TMEM132D: variants seen among roughly 807,000 people sequenced by gnomAD.
TMEM132D encodes transmembrane protein 132D.
A neutral mutation model predicts 62.3 loss-of-function variants in TMEM132D; 21 were observed. The ratio of observed to expected loss-of-function variants is 0.34; its 90% CI spans 0.24 to 0.49. TMEM132D has a LOEUF of 0.49. Among genes scored for constraint, TMEM132D ranks in the 20% least tolerant of loss-of-function variants. TMEM132D has a pLI of 0.99. For synonymous variants in TMEM132D, 621 were observed against 575.6 expected, an observed-to-expected ratio of 1.08 and a Z score of -1.13; for missense variants, 1,346 against 1,402.8, an observed-to-expected ratio of 0.96 and a Z score of 0.65.
At chr12:129,397,021 G>T (rs1205765313) in intron 3 of TMEM132D, among the ~76,000 whole-genome samples, 1 of 152,052 alleles carries the variant, frequency 6.6e-6, no homozygotes, top group Non-Finnish European at 1.5e-5. Flanking sequence ...CATACTTACT[G>T]GTTTATGGGT....
At chr12:129,440,654 C>T (rs1190670725) in intron 3 of TMEM132D, among the ~76,000 whole-genome samples, 3 of 151,848 alleles carry the variant, frequency 2.0e-5, no homozygotes, top group Non-Finnish European at 4.4e-5. Flanking sequence ...TGTACCAACC[C>T]ATAGCTGAAG....
chr12:129,519,851 C>T lies in TMEM132D; in HGVS notation c.1115+11208G>A, dbSNP rs150740741. Among the ~76,000 whole-genome samples, 507 of 152,134 alleles carry T rather than the reference C, an allele frequency of 3.3e-3. 1 individual carries two copies. The highest frequency in any genetic ancestry group is 0.011 in the African/African-American group (461 of 41,502). On this transcript the variant is annotated intron_variant, in intron 3 of 8. Transcript: ENST00000422113. ...CCCCAACTCCTGACCTCAGGTGATC[C>T]GCCCGCCTCCGCCTCCCAAAGTTAT...
At chr12:129,443,298 G>A (rs1044545808) in intron 3 of TMEM132D, among the ~76,000 whole-genome samples, 5 of 152,136 alleles carry the variant, frequency 3.3e-5, no homozygotes, top group Non-Finnish European at 5.9e-5. Context: ...AAGGTGAGCC[G>A]CCTCCCCGAC....
intron 4 of TMEM132D, among the ~76,000 whole-genome samples, chr12:129,279,051 T>G (rs540913479): frequency 1.3e-5 from 2 of 152,264 alleles, no homozygotes; most frequent in South Asian, 4.1e-4. Flanking sequence ...AACTCAGAAA[T>G]GCAAACTTTA....
intron 5 of TMEM132D, among the ~76,000 whole-genome samples, chr12:129,130,470 G>T (rs1313674341): frequency 1.3e-5 from 2 of 152,094 alleles, no homozygotes; most frequent in African/African-American, 4.8e-5. Context: ...TGGAATGAAT[G>T]CCCTAGTGCT....
intron 5 of TMEM132D, among the ~76,000 whole-genome samples, chr12:129,207,800 A>C (rs1437338850): frequency 6.6e-6 from 1 of 152,126 alleles, no homozygotes; most frequent in East Asian, 1.9e-4. Flanking sequence ...ATTAATGTAC[A>C]TATTTTGGGG....
chr12:129,077,208 G>A (rs189347750), intron 8 of TMEM132D, among the ~76,000 whole-genome samples: 10 of 152,292 alleles, frequency 6.6e-5, no homozygotes, highest in East Asian at 1.9e-4. Context: ...GGCCACAGCC[G>A]CAGCTGGTGC....
chr12:129,774,412 T>C (rs1870853908), intron 1 of TMEM132D, among the ~76,000 whole-genome samples: 1 of 152,196 alleles, frequency 6.6e-6, no homozygotes, highest in Non-Finnish European at 1.5e-5. Flanking sequence ...GTTTCAACTC[T>C]GTGTTTGCCA....
intron 5 of TMEM132D, among the ~76,000 whole-genome samples, chr12:129,168,901 A>G (rs1877638614): frequency 6.6e-6 from 1 of 152,174 alleles, no homozygotes; most frequent in African/African-American, 2.4e-5. Context: ...TAAAGAAACA[A>G]AACCCTGGAA....
chr12:129,401,016 C>T (rs34790394), intron 3 of TMEM132D, among the ~76,000 whole-genome samples: 27,666 of 152,152 alleles, frequency 0.18, 2,919 homozygotes, highest in Non-Finnish European at 0.25. Context: ...CTCTCCTCTT[C>T]CATTACACCA....
chr12:129,311,463 C>T (rs1030626963), intron 4 of TMEM132D, among the ~76,000 whole-genome samples: 2 of 152,106 alleles, frequency 1.3e-5, no homozygotes, highest in East Asian at 1.9e-4. Flanking sequence ...ATTTTGAATG[C>T]CCACAATGTT....
At chr12:129,324,120 A>C (rs1868816844) in intron 4 of TMEM132D, among the ~76,000 whole-genome samples, 1 of 152,084 alleles carries the variant, frequency 6.6e-6, no homozygotes, top group Non-Finnish European at 1.5e-5. Context: ...TACTGACTGC[A>C]TTTACAGGAA....
intron 1 of TMEM132D, among the ~76,000 whole-genome samples, chr12:129,881,844 T>C (rs1874606290): frequency 1.3e-5 from 2 of 151,952 alleles, no homozygotes; most frequent in African/African-American, 2.4e-5. Context: ...AAAAGCTGCC[T>C]CTTTGAGTTA....
chr12:129,806,757 G>A (rs533923071), intron 1 of TMEM132D, among the ~76,000 whole-genome samples: 1 of 152,282 alleles, frequency 6.6e-6, no homozygotes, highest in African/African-American at 2.4e-5. Context: ...CAGGCACGGT[G>A]GTTCAGGCCT....
intron 2 of TMEM132D, among the ~76,000 whole-genome samples, chr12:129,583,484 T>C (rs532532692): frequency 6.6e-6 from 1 of 152,330 alleles, no homozygotes; most frequent in African/African-American, 2.4e-5. Context: ...TGACGTTGAC[T>C]CTTTGTAAAC....
intron 2 of TMEM132D, among the ~76,000 whole-genome samples, chr12:129,615,575 AC>A: frequency 7.2e-6 from 1 of 137,968 alleles, no homozygotes; most frequent in Admixed American, 7.7e-5. Flanking sequence ...ATATAGTGAG[AC>A]CCCATCTCAA....
rs74344050 is a variant in TMEM132D, at chr12:129,073,992, G to A, written c.3183C>T (p.Thr1061=). The change falls in exon 9 of 9, where the codon ACC becomes ACT. Residue 1061 remains threonine (T), a synonymous_variant. Coordinates refer to ENST00000422113, the MANE Select transcript of TMEM132D (RefSeq NM_133448.3). Reference sequence around the variant, plus strand: ...CGCTACTCATCACGATGGAGTTCCTGGTGGGGTACTCGTCGTCTGAGGAGA... The same window carrying A: ...CGCTACTCATCACGATGGAGTTCCTAGTGGGGTACTCGTCGTCTGAGGAGA... ...TAVSSDDEYP[T]RNSIVMSSED... 19,849 of 1,613,952 alleles carry A rather than the reference G, an allele frequency of 0.012. 180 individuals carry two copies. Among genetic ancestry groups the A allele is most frequent in the Non-Finnish European group, 0.015 (18,005 of 1,179,906 alleles).
intron 3 of TMEM132D, among the ~76,000 whole-genome samples, chr12:129,515,916 T>G (rs576454705): frequency 1.3e-5 from 2 of 152,360 alleles, no homozygotes; most frequent in Non-Finnish European, 1.5e-5. Context: ...CGTTATGCTT[T>G]TCTCTTGTTA....
chr12:129,461,996 T>C (rs1045307552), intron 3 of TMEM132D, among the ~76,000 whole-genome samples: 1 of 152,156 alleles, frequency 6.6e-6, no homozygotes, highest in East Asian at 1.9e-4. Context: ...GTTACACATT[T>C]TAAAAATTGG....
Sources: allele counts gnomAD v4.1 joint callset (sites outside exome capture counted in the v4.1 genomes callset), GRCh38; gene constraint gnomAD v4.1.1; transcripts MANE v1.5; gene names NCBI Gene and HGNC (gene_info 2026-07-23, HGNC 2026-07-21).